RBFOX1: variants seen among roughly 807,000 people sequenced by gnomAD.
The protein encoded by RBFOX1 is RNA binding protein fox-1 homolog 1.
Under a neutral mutation model 57.7 loss-of-function variants are expected in RBFOX1, and 8 were observed. The observed-to-expected ratio is 0.14, with a 90% CI of 0.08 to 0.25. The LOEUF is 0.25. RBFOX1 is among the 10% of genes least tolerant of loss of function. The pLI is 1.00. For synonymous variants in RBFOX1, 326 were observed against 222.4 expected, an observed-to-expected ratio of 1.47 and a Z score of -4.15; for missense variants, 611 against 548.5, an observed-to-expected ratio of 1.11 and a Z score of -1.14.
intron 2 of RBFOX1, among the ~76,000 whole-genome samples, chr16:6,615,686 C>G (rs1395371780): frequency 6.6e-6 from 1 of 152,160 alleles, no homozygotes; most frequent in Non-Finnish European, 1.5e-5. Context: ...CAGCCTTTCC[C>G]TCTCCAGGAG....
At chr16:7,509,220 A>G (rs959076375) in intron 4 of RBFOX1, among the ~76,000 whole-genome samples, 2 of 152,146 alleles carry the variant, frequency 1.3e-5, no homozygotes, top group African/African-American at 4.8e-5. Context: ...AGCATTTGTC[A>G]CCCCTGGAAT....
At chr16:6,031,742 C>A (rs988862783) in intron 1 of RBFOX1, among the ~76,000 whole-genome samples, 4 of 152,210 alleles carry the variant, frequency 2.6e-5, no homozygotes, top group African/African-American at 9.6e-5. Context: ...ACTTCAGAGC[C>A]CAGCAGAATG....
intron 11 of RBFOX1, among the ~76,000 whole-genome samples, chr16:7,644,186 G>A (rs945711559): frequency 2.6e-5 from 4 of 152,270 alleles, no homozygotes; most frequent in Admixed American, 6.5e-5. Context: ...GGTTCAAACC[G>A]CTGGGTGAGT....
At chr16:5,633,959 C>T (rs946861444) in intron 3 of RBFOX1, among the ~76,000 whole-genome samples, 2 of 152,134 alleles carry the variant, frequency 1.3e-5, no homozygotes, top group South Asian at 2.1e-4. Context: ...CTAATTATCA[C>T]GATGCCCATT....
chr16:7,257,904 G>C (rs1270321318), intron 4 of RBFOX1, among the ~76,000 whole-genome samples: 1 of 152,186 alleles, frequency 6.6e-6, no homozygotes, highest in Non-Finnish European at 1.5e-5. Flanking sequence ...TGGTTTCAAG[G>C]AGATTCCATC....
chr16:5,794,479 A>G (rs1743701170), intron 3 of RBFOX1, among the ~76,000 whole-genome samples: 1 of 151,938 alleles, frequency 6.6e-6, no homozygotes, highest in Admixed American at 6.6e-5. Flanking sequence ...CCAGAGGCAC[A>G]CTCACCTTAT....
rs555400484 is a variant in RBFOX1, at chr16:7,037,463, C to G, written c.-15-14594C>G. Among the ~76,000 whole-genome samples, 3 of 152,118 alleles carry G rather than the reference C, an allele frequency of 2.0e-5. No homozygotes were observed. In the East Asian group the frequency reaches 5.8e-4, roughly 30 times the overall value. The stretch of plus-strand genomic sequence containing the variant: ...AGATGGAGTTGCTCTGGTTCATAAA[C>G]CTCTGACAATTGTGATGCTGTCTGC... On this transcript the variant is annotated intron_variant, in intron 3 of 15. Coordinates refer to ENST00000550418, the MANE Select transcript of RBFOX1 (RefSeq NM_018723.4).
intron 3 of RBFOX1, among the ~76,000 whole-genome samples, chr16:5,652,599 G>A (rs1386541950): frequency 1.3e-5 from 2 of 152,120 alleles, no homozygotes; most frequent in African/African-American, 2.4e-5. Context: ...GTCTTTGCAC[G>A]TCCTCCTCTC....
At chr16:5,883,124 G>T (rs752031748) in intron 4 of RBFOX1, among the ~76,000 whole-genome samples, 4 of 152,068 alleles carry the variant, frequency 2.6e-5, no homozygotes, top group Admixed American at 2.0e-4. Flanking sequence ...ACAGTACTGT[G>T]TGTTATATTC....
chr16:6,229,510 A>T (rs2097442702), intron 1 of RBFOX1, among the ~76,000 whole-genome samples: 1 of 152,242 alleles, frequency 6.6e-6, no homozygotes, highest in Admixed American at 6.5e-5. Context: ...ACGCAAACAC[A>T]ATAAAGGATT....
intron 1 of RBFOX1, among the ~76,000 whole-genome samples, chr16:5,389,254 G>A (rs541299806): frequency 6.6e-6 from 1 of 152,262 alleles, no homozygotes; most frequent in South Asian, 2.1e-4. Flanking sequence ...AAAGAATGAA[G>A]GACACAAAGA....
chr16:7,236,232 G>A (rs147281867), intron 4 of RBFOX1, among the ~76,000 whole-genome samples: 2 of 152,302 alleles, frequency 1.3e-5, no homozygotes, highest in Admixed American at 1.3e-4. Context: ...ATTTAGATCT[G>A]TAAAGGGAAG....
chr16:7,086,193 G>A (rs2059957579), intron 4 of RBFOX1, among the ~76,000 whole-genome samples: 1 of 152,122 alleles, frequency 6.6e-6, no homozygotes, highest in Non-Finnish European at 1.5e-5. Context: ...TGATTCCACA[G>A]TTTACCTAAT....
chr16:7,668,381 A>T (rs1055117027), intron 13 of RBFOX1, among the ~76,000 whole-genome samples: 10 of 152,178 alleles, frequency 6.6e-5, no homozygotes, highest in Non-Finnish European at 1.3e-4. Flanking sequence ...ATGATCACAG[A>T]TATCTTGAAA....
rs55770577 is a variant in RBFOX1, at chr16:6,584,868, A to G, written c.-63-69735A>G. Among the ~76,000 whole-genome samples the G allele has an allele frequency of 9.5e-3, 1,442 of 152,320 alleles. 14 individuals are homozygous for G. Among genetic ancestry groups the G allele is most frequent in the Non-Finnish European group, 0.012 (835 of 68,010 alleles). The stretch of plus-strand genomic sequence containing the variant: ...TCATGCTGAGCTATTGTTTCAACAA[A>G]AAATGAGATGTCTGGTCATGTTCTC... On this transcript the variant is annotated intron_variant, in intron 2 of 15. Coordinates refer to ENST00000550418, the MANE Select transcript of RBFOX1 (RefSeq NM_018723.4).
chr16:5,730,783 A>C (rs77436978), intron 3 of RBFOX1, among the ~76,000 whole-genome samples: 24,155 of 150,126 alleles, frequency 0.16, 2,451 homozygotes, highest in East Asian at 0.35. Flanking sequence ...ATTGTCACCA[A>C]TGTTAACACC....
chr16:6,975,864 C>G (rs1027560616), intron 3 of RBFOX1, among the ~76,000 whole-genome samples: 2 of 152,128 alleles, frequency 1.3e-5, no homozygotes, highest in African/African-American at 2.4e-5. Context: ...TGGTGGTGCA[C>G]ACCTGTAATC....
At chr16:6,724,091 G>A (rs1189515516) in intron 3 of RBFOX1, among the ~76,000 whole-genome samples, 1 of 152,150 alleles carries the variant, frequency 6.6e-6, no homozygotes, top group Non-Finnish European at 1.5e-5. Flanking sequence ...GTATTAGGAG[G>A]TGATGAGGCC....
chr16:7,559,857 A>T (rs1263591129), intron 5 of RBFOX1, among the ~76,000 whole-genome samples: 1 of 152,204 alleles, frequency 6.6e-6, no homozygotes, highest in Non-Finnish European at 1.5e-5. Context: ...GTGGGAAGAA[A>T]GGCCTTTAGG....
Sources: gnomAD v4.1 joint callset for allele counts (sites outside exome capture counted in the v4.1 genomes callset) on GRCh38, gnomAD v4.1.1 for gene constraint, MANE v1.5 for transcripts, NCBI Gene and HGNC (gene_info 2026-07-23, HGNC 2026-07-21) for gene names.